Variants in GTF2IRD1 observed in about 807,000 individuals in gnomAD.
GTF2IRD1 encodes the protein general transcription factor II-I repeat domain-containing protein 1.
A neutral mutation model predicts 113.2 loss-of-function variants in GTF2IRD1; 26 were observed. That is an observed-to-expected ratio of 0.23 (90% CI 0.17 to 0.32). GTF2IRD1 has a LOEUF of 0.32. Ranked by LOEUF, GTF2IRD1 falls within the 10% of genes least tolerant of loss-of-function variation. The probability of loss-of-function intolerance (pLI) is 1.00; values close to 1 mark genes in which losing one functional copy is unlikely to be tolerated. For missense variants in GTF2IRD1, 864 were observed against 1,280.8 expected, an observed-to-expected ratio of 0.67 and a Z score of 4.97; for synonymous variants, 484 against 529.1, an observed-to-expected ratio of 0.91 and a Z score of 1.17.
chr7:74,471,441 C>T (rs138277998), intron 1 of GTF2IRD1, among the ~76,000 whole-genome samples: 3 of 151,784 alleles, frequency 2.0e-5, no homozygotes, highest in South Asian at 2.1e-4. Context: ...GCTGGGAGTT[C>T]AAGCCTGCGG....
chr7:74,547,163 C>G lies in GTF2IRD1; in HGVS notation c.1793C>G (p.Pro598Arg), dbSNP rs1207019184. The G allele has an allele frequency of 6.2e-7, 1 of 1,613,620 alleles. No homozygotes were observed. The highest frequency in any genetic ancestry group is 2.2e-5 in the East Asian group (1 of 44,904). Residue 598 changes from proline to arginine, a missense_variant, in exon 17 of 27, where the codon CCG (proline) becomes CGG (arginine). This residue lies in a region of GTF2IRD1 where 1 missense variants were observed against 17.9 expected (regional missense o/e 0.06). Coordinates refer to ENST00000424337, the MANE Select transcript of GTF2IRD1 (RefSeq NM_005685.4). ...CCGTACTCCAAGTTTCTGATGCACC[C>G]GGAGGAGCTGTTTGTGGTGGGACTG... ...KVPYSKFLMH[P>R]EELFVVGLPE...
chr7:74,512,916 G>T lies in GTF2IRD1; in HGVS notation c.210G>T (p.Gly70=), dbSNP rs1554343443. Residue 70 remains glycine (G), a synonymous_variant, in exon 3 of 27, where the codon GGG becomes GGT. Transcript: ENST00000424337. The surrounding 1 kb of genome is among the most constrained non-coding windows in gnomAD (Gnocchi z 4.4). ...CCTTTGTGGTGGGCACAGAGAAGGG[G>T]AGAATGTTCCTGAATGCCCGGAAGG... The part of the protein sequence containing the change: ...ESAFVVGTEK[G]RMFLNARKEL... 1 of 1,614,142 alleles carries T rather than the reference G, an allele frequency of 6.2e-7. No homozygotes were observed. The highest frequency in any genetic ancestry group is 1.7e-5 in the Admixed American group (1 of 60,030).
intron 22 of GTF2IRD1, among the ~76,000 whole-genome samples, chr7:74,565,159 C>T (rs587648487): frequency 6.6e-5 from 10 of 152,314 alleles, no homozygotes; most frequent in Admixed American, 2.6e-4. Flanking sequence ...GGGGGCTGAA[C>T]GCCATTGGTA....
At chr7:74,501,163 C>G (rs1269763090) in intron 1 of GTF2IRD1, among the ~76,000 whole-genome samples, 1 of 152,066 alleles carries the variant, frequency 6.6e-6, no homozygotes. Flanking sequence ...TTGCCTCTTC[C>G]CTGGGTCCCA....
At chr7:74,597,918 C>G (rs1246490087) in intron 25 of GTF2IRD1, among the ~76,000 whole-genome samples, 3 of 152,190 alleles carry the variant, frequency 2.0e-5, no homozygotes, top group African/African-American at 7.2e-5. Flanking sequence ...ACCTGAGACC[C>G]AAGGCCCTGA....
chr7:74,469,952 T>G (rs1554331903), intron 1 of GTF2IRD1, among the ~76,000 whole-genome samples: 1 of 152,126 alleles, frequency 6.6e-6, no homozygotes, highest in Non-Finnish European at 1.5e-5. Context: ...AATTATCATA[T>G]TCTTTATTAT....
At chr7:74,550,271 T>C (rs1554354601) in intron 17 of GTF2IRD1, among the ~76,000 whole-genome samples, 1 of 152,170 alleles carries the variant, frequency 6.6e-6, no homozygotes. Flanking sequence ...CCATCAGATG[T>C]GTGAAAACAG....
At chr7:74,457,515 G>A (rs1196139689) in intron 1 of GTF2IRD1, among the ~76,000 whole-genome samples, 3 of 152,112 alleles carry the variant, frequency 2.0e-5, no homozygotes, top group African/African-American at 7.2e-5. Context: ...TCTGGGGCAA[G>A]TTCCCCACCC....
intron 1 of GTF2IRD1, among the ~76,000 whole-genome samples, chr7:74,485,941 A>G (rs527331524): frequency 6.6e-6 from 1 of 151,856 alleles, no homozygotes; most frequent in Non-Finnish European, 1.5e-5. Flanking sequence ...AAAAAGAAGA[A>G]GAAAGAAAAG....
intron 22 of GTF2IRD1, among the ~76,000 whole-genome samples, chr7:74,568,837 T>G (rs1179945923): frequency 6.6e-6 from 1 of 150,628 alleles, no homozygotes; most frequent in Non-Finnish European, 1.5e-5. Flanking sequence ...GAGGGAGGGC[T>G]GGAAGGAGGG....
At chr7:74,560,642 T>C (rs1204179071) in intron 22 of GTF2IRD1, among the ~76,000 whole-genome samples, 2 of 151,474 alleles carry the variant, frequency 1.3e-5, no homozygotes, top group African/African-American at 4.8e-5. Context: ...TGGAATGCAA[T>C]GGCACTATCT....
At chr7:74,480,811 GCT>G (rs1362903855) in intron 1 of GTF2IRD1, among the ~76,000 whole-genome samples, 2 of 152,182 alleles carry the variant, frequency 1.3e-5, no homozygotes, top group African/African-American at 4.8e-5. Context: ...GAGTTTGGGG[GCT>G]CTCTTTGAGT....
intron 22 of GTF2IRD1, among the ~76,000 whole-genome samples, chr7:74,565,690 T>G (rs1800259161): frequency 6.7e-6 from 1 of 149,826 alleles, no homozygotes; most frequent in African/African-American, 2.5e-5. Context: ...CTAAAGGGGG[T>G]CGGGCATGGT....
chr7:74,487,425 C>G (rs1554335774), intron 1 of GTF2IRD1: 1 of 152,174 alleles, frequency 6.6e-6, no homozygotes, highest in African/African-American at 2.4e-5. Context: ...CTAAGTCACC[C>G]AAAGTGTAAC....
chr7:74,583,229 C>T (rs192566667), intron 22 of GTF2IRD1, among the ~76,000 whole-genome samples: 2 of 152,096 alleles, frequency 1.3e-5, no homozygotes, highest in East Asian at 1.9e-4. Flanking sequence ...AGCTCAGTCA[C>T]CCAGGCTGGA....
At chr7:74,517,212 C>T (rs950832813) in intron 4 of GTF2IRD1, among the ~76,000 whole-genome samples, 2 of 151,510 alleles carry the variant, frequency 1.3e-5, no homozygotes, top group South Asian at 2.1e-4. Context: ...TTAGTAGAGA[C>T]GGGGTTTCAC....
rs587671971 is a variant in GTF2IRD1 at position 74,536,043 on chromosome 7, C to A, written c.1301-124C>A. On this transcript the variant is annotated intron_variant, in intron 10 of 26. Coordinates refer to ENST00000424337, the MANE Select transcript of GTF2IRD1 (RefSeq NM_005685.4). ...TGGCTGGACGTGGCGCCCACAAGGA[C>A]AGGCAGAGGCCAGGCCCTATCCCCG... The A allele has an allele frequency of 1.1e-5, 7 of 631,754 alleles. No homozygotes were observed. The East Asian group carries it at 1.7e-4, about 16-fold the overall frequency. The allele number at this position is 631,754 out of a possible 1,614,324, so 39.1% of individuals were successfully genotyped here. A position where few individuals can be genotyped will look rare whatever the true frequency, so the allele number is the denominator to read the frequency against.
At chr7:74,548,114 C>A (rs1723553095) in intron 17 of GTF2IRD1, among the ~76,000 whole-genome samples, 1 of 152,154 alleles carries the variant, frequency 6.6e-6, no homozygotes. Context: ...GTGTGCCCAG[C>A]TGGGATAAAA....
chr7:74,592,896 C>T (rs782310785), intron 24 of GTF2IRD1, among the ~76,000 whole-genome samples: 3 of 151,870 alleles, frequency 2.0e-5, no homozygotes, highest in Non-Finnish European at 4.4e-5. Flanking sequence ...CTTGCTCTGT[C>T]GCCCTGGCTG....
Sources: allele counts gnomAD v4.1 joint callset (sites outside exome capture counted in the v4.1 genomes callset), GRCh38; gene constraint gnomAD v4.1.1; regional missense constraint gnomAD v4.1.1; non-coding constraint Gnocchi (gnomAD v3.1); transcripts MANE v1.5; gene names NCBI Gene and HGNC (gene_info 2026-07-23, HGNC 2026-07-21).